Variants in IL19 observed in about 807,000 individuals in gnomAD.
IL19 encodes interleukin-19.
A neutral mutation model predicts 19.5 loss-of-function variants in IL19; 15 were observed. The ratio of observed to expected loss-of-function variants is 0.77; its 90% CI spans 0.52 to 1.19. IL19 has a LOEUF of 1.19. IL19 is among the 50% of genes most tolerant of loss of function. The pLI, the probability that IL19 is intolerant of heterozygous loss-of-function variation, is 0.00. For synonymous variants in IL19, 78 were observed against 78.3 expected, an observed-to-expected ratio of 1.00 and a Z score of 0.02; for missense variants, 199 against 213.1, an observed-to-expected ratio of 0.93 and a Z score of 0.41.
At chr1:206,827,503 A>G (rs1269527951) in intron 2 of IL19, among the ~76,000 whole-genome samples, 1 of 152,122 alleles carries the variant, frequency 6.6e-6, no homozygotes, top group Non-Finnish European at 1.5e-5. Flanking sequence ...ATCCTGGCTA[A>G]CACAGTGAAA....
At chr1:206,835,250 G>A (rs558621661) in intron 2 of IL19, among the ~76,000 whole-genome samples, 5 of 152,160 alleles carry the variant, frequency 3.3e-5, no homozygotes, top group Admixed American at 6.5e-5. Flanking sequence ...CCCCAGTAGC[G>A]TTCTGAGGAG....
intron 2 of IL19, among the ~76,000 whole-genome samples, chr1:206,803,345 G>A (rs554050266): frequency 2.0e-5 from 3 of 152,220 alleles, no homozygotes; most frequent in Admixed American, 1.3e-4. Flanking sequence ...CCCATCTTTC[G>A]GAATTAGTGA....
intron 2 of IL19, among the ~76,000 whole-genome samples, chr1:206,834,679 G>A (rs1676724397): frequency 6.6e-6 from 1 of 152,232 alleles, no homozygotes; most frequent in Admixed American, 6.5e-5. Flanking sequence ...TCCAAGAACT[G>A]TGTTGGGCAC....
chr1:206,835,434 A>G (rs1192074154), intron 2 of IL19, among the ~76,000 whole-genome samples: 1 of 152,180 alleles, frequency 6.6e-6, no homozygotes, highest in Non-Finnish European at 1.5e-5. Flanking sequence ...AGTTAAGGAG[A>G]GACAGGCAAA....
Position 206,839,905 on chromosome 1 carries a change from T to A in IL19, c.266T>A (p.Val89Glu). 1 of 1,613,922 alleles carries A rather than the reference T, an allele frequency of 6.2e-7. No homozygotes were observed. Among genetic ancestry groups the A allele is most frequent in the Non-Finnish European group, 8.5e-7 (1 of 1,179,886 alleles). The change falls in exon 5 of 7, where the codon GTG becomes GAG. Residue 89 changes from valine (V) to glutamate (E), a missense_variant. Coordinates refer to ENST00000659997, the MANE Select transcript of IL19 (RefSeq NM_153758.5). The stretch of plus-strand genomic sequence containing the variant: ...CTCCTGGCGTTCTACGTGGACAGGG[T>A]GTTCAAGGATCATCAGGAGCCAAAC... ...KNLLAFYVDRVFKDHQEPNPK... is the reference protein window; with the variant it reads ...KNLLAFYVDREFKDHQEPNPK...
At chr1:206,836,911 C>G in intron 3 of IL19, 47 bp from the exon 4 acceptor site, 1 of 1,603,390 alleles carries the variant, frequency 6.2e-7, no homozygotes, top group Non-Finnish European at 8.5e-7. Flanking sequence ...CTCAGAAGAA[C>G]ATAGGATACC....
intron 1 of IL19, among the ~76,000 whole-genome samples, chr1:206,774,169 G>C (rs921499934): frequency 2.0e-5 from 3 of 152,214 alleles, no homozygotes; most frequent in Non-Finnish European, 4.4e-5. Flanking sequence ...GAGGGCCCAC[G>C]CCCACCCTGT....
Position 206,826,585 on chromosome 1 carries a change from C to A in IL19, c.-2-10076C>A, listed in dbSNP as rs192355501. On this transcript the variant is annotated intron_variant, in intron 2 of 6. Coordinates refer to ENST00000659997, the MANE Select transcript of IL19 (RefSeq NM_153758.5). Reference sequence around the variant, plus strand: ...TGCAGCAGGCCAGCAGCCTCCAGTCCACCCTCTCCTCCTCCCAGGGCTCTG... The same window carrying A: ...TGCAGCAGGCCAGCAGCCTCCAGTCAACCCTCTCCTCCTCCCAGGGCTCTG... Among the ~76,000 whole-genome samples, 140 of 152,300 alleles carry A rather than the reference C, an allele frequency of 9.2e-4. 1 individual carries two copies. The highest frequency in any genetic ancestry group is 3.3e-3 in the African/African-American group (138 of 41,560).
At chr1:206,810,538 A>G (rs1187772187) in intron 2 of IL19, among the ~76,000 whole-genome samples, 1 of 152,232 alleles carries the variant, frequency 6.6e-6, no homozygotes. Context: ...TAGCACTTGC[A>G]TCTCTGAAAA....
At chr1:206,785,520 G>T (rs936168748) in intron 1 of IL19, among the ~76,000 whole-genome samples, 3 of 152,188 alleles carry the variant, frequency 2.0e-5, no homozygotes, top group African/African-American at 7.2e-5. Flanking sequence ...GGGACAGGTG[G>T]GGAGGAGAGT....
intron 5 of IL19, among the ~76,000 whole-genome samples, 186 bp from the exon 6 acceptor site, chr1:206,840,818 G>A (rs551294835): frequency 4.6e-5 from 7 of 152,258 alleles, no homozygotes; most frequent in Middle Eastern, 3.4e-3. Context: ...AACAAAAGGC[G>A]TGGGCAGATG....
chr1:206,826,117 A>G (rs1302215926), intron 2 of IL19, among the ~76,000 whole-genome samples: 1 of 152,228 alleles, frequency 6.6e-6, no homozygotes, highest in Non-Finnish European at 1.5e-5. Context: ...AACAGAGTTC[A>G]AAATAAGTCC....
At chr1:206,833,721 T>C (rs1457083404) in intron 2 of IL19, 1 of 985,232 alleles carries the variant, frequency 1.0e-6, no homozygotes, top group African/African-American at 1.7e-5. Context: ...CAGTCTCATT[T>C]TCTCTCTCTC....
At chr1:206,828,949 C>T (rs544734996) in intron 2 of IL19, 1 of 151,934 alleles carries the variant, frequency 6.6e-6, no homozygotes, top group Non-Finnish European at 1.5e-5. Flanking sequence ...GTCCTGCCTC[C>T]TCAACTTCCT....
chr1:206,812,270 C>T (rs549365349), intron 2 of IL19, among the ~76,000 whole-genome samples: 3 of 152,184 alleles, frequency 2.0e-5, no homozygotes, highest in Non-Finnish European at 2.9e-5. Flanking sequence ...ATCTCATAGC[C>T]TACTCACAGA....
At chr1:206,831,537 T>A (rs552083490) in intron 2 of IL19, among the ~76,000 whole-genome samples, 1 of 152,266 alleles carries the variant, frequency 6.6e-6, no homozygotes, top group South Asian at 2.1e-4. Context: ...TTCTTATTGT[T>A]CCCCCTTCTT....
Position 206,842,947 on chromosome 1 carries a change from G to C in IL19, c.*325G>C, listed in dbSNP as rs1677069344. On this transcript the variant is annotated 3_prime_UTR_variant, in exon 7 of 7. Coordinates refer to ENST00000659997, the MANE Select transcript of IL19 (RefSeq NM_153758.5). The stretch of plus-strand genomic sequence containing the variant: ...CCTGTAGTACACATTGTACTGAGTG[G>C]TTTTTCTGAATAAATTCCATATTTT... The C allele has an allele frequency of 5.8e-6, 1 of 173,476 alleles. No homozygotes were observed. The highest frequency in any genetic ancestry group is 2.4e-5 in the African/African-American group (1 of 42,284). 10.7% of individuals were successfully genotyped at this position (173,476 alleles called of 1,614,324 possible).
intron 1 of IL19, chr1:206,772,422 G>C: frequency 6.2e-7 from 1 of 1,614,098 alleles, no homozygotes; most frequent in East Asian, 2.2e-5. Flanking sequence ...ACAGAGCAGT[G>C]CTGAGCTGTG....
At chr1:206,811,349 C>A (rs570299647) in intron 2 of IL19, among the ~76,000 whole-genome samples, 1 of 148,768 alleles carries the variant, frequency 6.7e-6, no homozygotes, top group Non-Finnish European at 1.5e-5. Flanking sequence ...GAGGCTGAGG[C>A]GGGAGAATGG....
Sources: gnomAD v4.1 joint callset for allele counts (sites outside exome capture counted in the v4.1 genomes callset) on GRCh38, gnomAD v4.1.1 for gene constraint, MANE v1.5 for transcripts, NCBI Gene and HGNC (gene_info 2026-07-23, HGNC 2026-07-21) for gene names.